KAZN: variants seen among roughly 807,000 people sequenced by gnomAD.
KAZN encodes the protein kazrin, periplakin interacting protein, also known as kazrin.
A neutral mutation model predicts 87.4 loss-of-function variants in KAZN; 40 were observed. That is an observed-to-expected ratio of 0.46 (90% confidence interval 0.36 to 0.60). KAZN has a LOEUF of 0.60. Ranked by LOEUF, KAZN falls within the 20% of genes least tolerant of loss-of-function variation. The pLI is 0.00. For synonymous variants in KAZN, 466 were observed against 458.3 expected (o/e 1.02, Z -0.22); for missense variants, 898 against 1,073.9 (o/e 0.84, Z 2.29).
At chr1:14,868,058 AC>A (rs146707909) in intron 1 of KAZN, among the ~76,000 whole-genome samples, 2 of 75,074 alleles carry the variant, frequency 2.7e-5, no homozygotes, top group African/African-American at 3.8e-5. Flanking sequence ...TCACATACGC[AC>A]AGCATTGCAT....
chr1:14,751,906 A>C (rs970394971), intron 1 of KAZN, among the ~76,000 whole-genome samples: 1 of 152,290 alleles, frequency 6.6e-6, no homozygotes, highest in Non-Finnish European at 1.5e-5. Flanking sequence ...TATTGCTATA[A>C]AGGAATATGT....
chr1:14,055,040 G>A (rs4662098), intron 1 of KAZN, among the ~76,000 whole-genome samples: 26,990 of 152,046 alleles, frequency 0.18, 2,689 homozygotes, highest in Non-Finnish European at 0.23. Flanking sequence ...AGATATCAGT[G>A]GTCCTTATCT....
intron 2 of KAZN, among the ~76,000 whole-genome samples, chr1:14,539,605 C>T (rs770378395): frequency 2.6e-5 from 4 of 152,104 alleles, no homozygotes; most frequent in South Asian, 2.1e-4. Flanking sequence ...AATTAAGAGA[C>T]GACTTTAGAG....
intron 8 of KAZN, among the ~76,000 whole-genome samples, chr1:15,073,567 C>T (rs182373508): frequency 2.2e-3 from 337 of 152,264 alleles, no homozygotes; most frequent in Non-Finnish European, 3.9e-3. Context: ...TTCTAGGCCC[C>T]GCTGAGCAGA....
intron 1 of KAZN, among the ~76,000 whole-genome samples, chr1:14,704,573 A>C (rs927012631): frequency 4.6e-5 from 7 of 152,192 alleles, no homozygotes; most frequent in African/African-American, 1.7e-4. Context: ...GGCCACTCTG[A>C]GTGACAGATC....
chr1:14,068,777 A>G (rs1050571122), intron 1 of KAZN, among the ~76,000 whole-genome samples: 1 of 151,264 alleles, frequency 6.6e-6, no homozygotes, highest in African/African-American at 2.4e-5. Context: ...AGAAATCAGG[A>G]AGCAAGAAGT....
chr1:14,180,404 A>G, intron 1 of KAZN: 2 of 1,542,550 alleles, frequency 1.3e-6, no homozygotes, highest in African/African-American at 1.4e-5. Context: ...ACCAGTTGTG[A>G]CTCTACTTTT....
intron 1 of KAZN, among the ~76,000 whole-genome samples, chr1:14,691,331 C>T (rs143563989): frequency 4.5e-4 from 69 of 152,340 alleles, no homozygotes; most frequent in Middle Eastern, 3.4e-3. Context: ...TGATTCCACA[C>T]ATGTACACAC....
chr1:15,107,698 C>A (rs1463777000), intron 13 of KAZN, among the ~76,000 whole-genome samples: 2 of 152,182 alleles, frequency 1.3e-5, no homozygotes, highest in Non-Finnish European at 2.9e-5. Context: ...TCCAAACCCA[C>A]CCCTAGCCCC....
intron 1 of KAZN, among the ~76,000 whole-genome samples, chr1:14,115,829 ACAATAAAGTC>A (rs1644604646): frequency 6.6e-6 from 1 of 152,188 alleles, no homozygotes; most frequent in South Asian, 2.1e-4. Flanking sequence ...AGCGATACGG[ACAATAAAGTC>A]CAGGCTGAGG....
intron 2 of KAZN, among the ~76,000 whole-genome samples, chr1:14,303,247 G>A (rs1654684212): frequency 6.6e-6 from 1 of 152,066 alleles, no homozygotes; most frequent in Non-Finnish European, 1.5e-5. Flanking sequence ...CTTGACCCAT[G>A]AAATCAGAGT....
rs909076882 is a variant in KAZN at position 14,735,867 on chromosome 1, A to G, written c.226+136644A>G. Among the ~76,000 whole-genome samples, 3 of 152,194 alleles carry G rather than the reference A, an allele frequency of 2.0e-5. No homozygotes were observed. Among genetic ancestry groups the G allele is most frequent in the Non-Finnish European group, 4.4e-5 (3 of 68,040 alleles). ...ATCCCCAGAGCCTTTGTGATTTGTA[A>G]GTTTCAGGCTTGAGCTTGAGGTTGG... On this transcript the variant is annotated intron_variant, in intron 1 of 14. Coordinates refer to ENST00000376030, the MANE Select transcript of KAZN (RefSeq NM_201628.3). The surrounding 1 kb of genome is among the most constrained non-coding windows in gnomAD (Gnocchi z 4.3).
chr1:14,489,745 TAATAATAATAA>T (rs948670901), intron 2 of KAZN, among the ~76,000 whole-genome samples: 1 of 146,876 alleles, frequency 6.8e-6, no homozygotes, highest in African/African-American at 2.5e-5. Flanking sequence ...AAAATAATAA[TAATAATAATAA>T]TAATAATAAT....
chr1:14,518,591 A>G (rs1671418076), intron 2 of KAZN, among the ~76,000 whole-genome samples: 2 of 152,200 alleles, frequency 1.3e-5, no homozygotes, highest in South Asian at 2.1e-4. Context: ...CGCTTCATCT[A>G]CAATATTTGG....
intron 2 of KAZN, among the ~76,000 whole-genome samples, chr1:14,538,950 T>G (rs972883380): frequency 6.6e-6 from 1 of 152,168 alleles, no homozygotes; most frequent in Non-Finnish European, 1.5e-5. Flanking sequence ...AGTTGCTCCA[T>G]TAGGGGAGGC....
chr1:14,413,500 G>C (rs1664473916), intron 2 of KAZN, among the ~76,000 whole-genome samples: 1 of 145,126 alleles, frequency 6.9e-6, no homozygotes, highest in African/African-American at 2.5e-5. Context: ...TGAGGCAGGA[G>C]AATGGCGTGA....
intron 1 of KAZN, among the ~76,000 whole-genome samples, chr1:14,074,913 A>G (rs1227505539): frequency 6.6e-6 from 1 of 152,096 alleles, no homozygotes; most frequent in African/African-American, 2.4e-5. Flanking sequence ...TTGCTTTTCC[A>G]CCCTCTAAGT....
intron 1 of KAZN, among the ~76,000 whole-genome samples, chr1:14,865,078 G>A (rs1651301855): frequency 6.6e-6 from 1 of 152,166 alleles, no homozygotes; most frequent in Admixed American, 6.5e-5. Flanking sequence ...GGATTGGAAT[G>A]TGTGAGAGGA....
rs1025331999 is a variant in KAZN at position 14,769,910 on chromosome 1, A to T, written c.226+170687A>T. On this transcript the variant is annotated intron_variant, in intron 1 of 14. Coordinates refer to ENST00000376030, the MANE Select transcript of KAZN (RefSeq NM_201628.3). This position sits in a 1 kb window ranked among gnomAD's most constrained non-coding sequence, Gnocchi z 4.1. ...TATAGGATCCTAAGTGTAGGAGTGT[A>T]ACTCAGCTCAGAGATCAGGGATGGC... Among the ~76,000 whole-genome samples the T allele has an allele frequency of 1.3e-5, 2 of 152,170 alleles. No individual in the cohort carries two copies. Among genetic ancestry groups the T allele is most frequent in the African/African-American group, 4.8e-5 (2 of 41,434 alleles).
Sources: gnomAD v4.1 joint callset for allele counts (sites outside exome capture counted in the v4.1 genomes callset) on GRCh38, gnomAD v4.1.1 for gene constraint, Gnocchi (gnomAD v3.1) non-coding constraint, MANE v1.5 for transcripts, NCBI Gene and HGNC (gene_info 2026-07-23, HGNC 2026-07-21) for gene names.